Variants in PRCP observed in about 807,000 individuals in gnomAD.
PRCP encodes prolylcarboxypeptidase.
Under a neutral mutation model 54.2 loss-of-function variants are expected in PRCP, and 46 were observed. That is an observed-to-expected ratio of 0.85 (90% CI 0.67 to 1.09). The LOEUF (loss-of-function observed/expected upper bound fraction) is 1.09. PRCP is among the 50% of genes least tolerant of loss of function. The pLI is 0.00. For synonymous variants in PRCP, 240 were observed against 212.2 expected, an observed-to-expected ratio of 1.13 and a Z score of -1.14; for missense variants, 613 against 596.8, an observed-to-expected ratio of 1.03 and a Z score of -0.28.
chr11:82,832,087 T>A (rs1858400039), intron 8 of PRCP, among the ~76,000 whole-genome samples: 1 of 152,194 alleles, frequency 6.6e-6, no homozygotes, highest in Non-Finnish European at 1.5e-5. Flanking sequence ...ATGGTGTATA[T>A]GTGTCACATT....
chr11:82,844,566 G>A (rs561473461), intron 6 of PRCP, among the ~76,000 whole-genome samples: 17 of 151,786 alleles, frequency 1.1e-4, no homozygotes, highest in African/African-American at 3.9e-4. Flanking sequence ...GTGAAACCCC[G>A]TCTCTACTAA....
intron 6 of PRCP, chr11:82,840,923 G>A (rs1858648343): frequency 6.6e-6 from 1 of 151,932 alleles, no homozygotes; most frequent in Non-Finnish European, 1.5e-5. Flanking sequence ...AGCTTAGGAA[G>A]TGTCCACCTG....
chr11:82,876,379 T>C (rs1196066479), intron 1 of PRCP, among the ~76,000 whole-genome samples: 1 of 152,240 alleles, frequency 6.6e-6, no homozygotes, highest in Non-Finnish European at 1.5e-5. Flanking sequence ...TAACCATCAA[T>C]AACTTTATAC....
At chr11:82,838,154 T>TA (rs1276663032) in intron 8 of PRCP, among the ~76,000 whole-genome samples, 2 of 152,190 alleles carry the variant, frequency 1.3e-5, no homozygotes, top group African/African-American at 4.8e-5. Context: ...TTTTAATATT[T>TA]AAAAAATTTT....
In PRCP at chr11:82,850,351, CT is replaced by C. The variant is rs1858924057; in HGVS notation, c.565del (p.Arg189GlyfsTer2). ...AACTACCATATGAGGATATTTCATC[CT>C]AAACCAGGCGGCAAGCATGCCACCA... ...SYGGMLAAWF[R>X]MKYPHMVVGA... On this transcript the variant is annotated frameshift_variant, in exon 4 of 9. Coordinates refer to ENST00000313010, the MANE Select transcript of PRCP (RefSeq NM_005040.4). LOFTEE classifies it high-confidence loss of function. 6.3e-7 allele frequency: 1 copy of C among 1,584,020 alleles called. No homozygotes were observed. The highest frequency in any genetic ancestry group is 1.4e-5 in the African/African-American group (1 of 73,498).
chr11:82,891,558 G>A (rs907030367), intron 1 of PRCP, among the ~76,000 whole-genome samples: 10 of 152,094 alleles, frequency 6.6e-5, no homozygotes, highest in African/African-American at 2.4e-4. Context: ...CGCATTATCT[G>A]GCTCCCTGAA....
intron 1 of PRCP, among the ~76,000 whole-genome samples, chr11:82,865,052 T>A (rs1164336694): frequency 6.6e-6 from 1 of 152,074 alleles, no homozygotes; most frequent in African/African-American, 2.4e-5. Flanking sequence ...TCTACACAGA[T>A]CCCTTCACCA....
chr11:82,838,572 G>GTTTTTTTAATATTTAAAAAATTTT lies in PRCP; in HGVS notation c.1088_1089insAAAATTTTTTAAATATTAAAAAAA (p.Ala363_Cys364insLysPhePheLysTyrTer). 1.2e-6 allele frequency: 2 copies of GTTTTTTTAATATTTAAAAAATTTT among 1,607,596 alleles called. No homozygotes were observed. The highest frequency in any genetic ancestry group is 1.7e-6 in the Non-Finnish European group (2 of 1,177,856). On this transcript the variant is annotated stop_gained and inframe_insertion and splice_region_variant, in exon 8 of 9. Transcript: ENST00000313010. LOFTEE classifies it high-confidence loss of function. ...AAAAGGGCATGACTACTTCTGTGCA[G>GTTTTTTTAATATTTAAAAAATTTT]GCCTAAGAAGCAAACCAAGAGAGAA...
At chr11:82,860,485 G>A (rs1859184421) in intron 1 of PRCP, among the ~76,000 whole-genome samples, 1 of 151,920 alleles carries the variant, frequency 6.6e-6, no homozygotes, top group African/African-American at 2.4e-5. Context: ...TACGTATGGT[G>A]TATATAACAT....
At chr11:82,843,015 T>G (rs981137394) in intron 6 of PRCP, among the ~76,000 whole-genome samples, 2 of 152,188 alleles carry the variant, frequency 1.3e-5, no homozygotes, top group African/African-American at 4.8e-5. Context: ...ATTTAAAGAC[T>G]AGAGTAACTC....
intron 2 of PRCP, among the ~76,000 whole-genome samples, chr11:82,857,228 A>G (rs188774643): frequency 9.2e-5 from 14 of 152,300 alleles, no homozygotes; most frequent in African/African-American, 3.4e-4. Context: ...GTAGCACACA[A>G]TGGCTAATAA....
chr11:82,888,112 T>C (rs1859910632), intron 1 of PRCP, among the ~76,000 whole-genome samples: 1 of 152,218 alleles, frequency 6.6e-6, no homozygotes. Context: ...AAACTGTATT[T>C]TATTATAGGG....
At chr11:82,889,662 T>C (rs911618844) in intron 1 of PRCP, among the ~76,000 whole-genome samples, 1 of 151,962 alleles carries the variant, frequency 6.6e-6, no homozygotes, top group Non-Finnish European at 1.5e-5. Flanking sequence ...GTAAGGCCCA[T>C]GGGAGAGAGA....
intron 1 of PRCP, among the ~76,000 whole-genome samples, chr11:82,871,980 C>T (rs1260126621): frequency 6.6e-6 from 1 of 152,162 alleles, no homozygotes; most frequent in Non-Finnish European, 1.5e-5. Context: ...TTCAGTTACC[C>T]ATGGTCAACC....
At chr11:82,896,854 A>C (rs760252329) in intron 1 of PRCP, among the ~76,000 whole-genome samples, 11 of 152,112 alleles carry the variant, frequency 7.2e-5, no homozygotes, top group Non-Finnish European at 1.3e-4. Flanking sequence ...TCCTTAATAA[A>C]AATCTCTCTC....
intron 8 of PRCP, chr11:82,830,316 T>C (rs1858346763): frequency 6.6e-6 from 1 of 151,926 alleles, no homozygotes; most frequent in Admixed American, 6.6e-5. Flanking sequence ...TATATGTGTG[T>C]TTGTAATACA....
chr11:82,873,544 G>A (rs2121217347), intron 1 of PRCP, among the ~76,000 whole-genome samples: 1 of 152,260 alleles, frequency 6.6e-6, no homozygotes, highest in Non-Finnish European at 1.5e-5. Flanking sequence ...AAAACTAATT[G>A]TTCTCAAATG....
chr11:82,851,634 G>C (rs1858958757), intron 3 of PRCP, among the ~76,000 whole-genome samples: 1 of 151,780 alleles, frequency 6.6e-6, no homozygotes, highest in Admixed American at 6.6e-5. Flanking sequence ...AAACTATAAA[G>C]TAATAGATGT....
chr11:82,858,221 A>C (rs1404001435), intron 2 of PRCP: 1 of 152,204 alleles, frequency 6.6e-6, no homozygotes, highest in Admixed American at 6.5e-5. Context: ...CAACTCTATG[A>C]ACCATTATTA....
Sources: allele counts gnomAD v4.1 joint callset (sites outside exome capture counted in the v4.1 genomes callset), GRCh38; gene constraint gnomAD v4.1.1; transcripts MANE v1.5; gene names NCBI Gene and HGNC (gene_info 2026-07-23, HGNC 2026-07-21).